The following TDRD9 variants were observed in gnomAD, a reference collection of about 807,000 sequenced individuals.
The protein encoded by TDRD9 is tudor domain containing 9.
A neutral mutation model predicts 172.6 loss-of-function variants in TDRD9; 124 were observed. The ratio of observed to expected loss-of-function variants is 0.72; its 90% CI spans 0.62 to 0.83. The LOEUF (loss-of-function observed/expected upper bound fraction) is 0.83, where lower values mean the gene tolerates loss of function less well. Ranked by LOEUF, TDRD9 falls within the 40% of genes least tolerant of loss-of-function variation. The pLI, the probability that TDRD9 is intolerant of heterozygous loss-of-function variation, is 0.00. For missense variants in TDRD9, 1,479 were observed against 1,714.1 expected (o/e 0.86, Z 2.42); for synonymous variants, 619 against 617.1 (o/e 1.00, Z -0.05).
At chr14:104,023,927 T>C (rs959967652) in intron 24 of TDRD9, among the ~76,000 whole-genome samples, 1 of 152,212 alleles carries the variant, frequency 6.6e-6, no homozygotes, top group Non-Finnish European at 1.5e-5. Flanking sequence ...GAGTCACTCA[T>C]TAAAAATAGG....
chr14:104,040,200 G>A lies in TDRD9; in HGVS notation c.3721G>A (p.Asp1241Asn), dbSNP rs865826659. 12 of 1,526,910 alleles carry A rather than the reference G, an allele frequency of 7.9e-6. No homozygotes were observed. The African/African-American group carries it at 1.4e-4, about 18-fold the overall frequency. 94.6% of individuals were successfully genotyped at this position (1,526,910 alleles called of 1,614,324 possible). ...LFAPVIELRI[D>N]QNGKYYTGVL... ...TTCTGAAAACATTCCATTTAGGATTGATCAGAATGGCAAGTACTATACTGG... is the reference window on the plus strand; with the variant it reads ...TTCTGAAAACATTCCATTTAGGATTAATCAGAATGGCAAGTACTATACTGG... The change falls in exon 33 of 36, where the codon GAT becomes AAT. Residue 1241 changes from aspartate (D) to asparagine (N), a missense_variant. This residue lies in a region of TDRD9 where 1,413 missense variants were observed against 1,649.1 expected (regional missense o/e 0.86). Coordinates refer to ENST00000409874, the MANE Select transcript of TDRD9 (RefSeq NM_153046.3).
Position 103,997,390 on chromosome 14 carries a change from C to T in TDRD9, c.1379-1234C>T, listed in dbSNP as rs1213436733. 1.3e-5 allele frequency among the ~76,000 whole-genome samples: 2 copies of T among 152,120 alleles called. No individual in the cohort carries two copies. The highest frequency in any genetic ancestry group is 3.9e-4 in the East Asian group (2 of 5,192). ...AGAAATTGTGAGAGACACATTTGGTCGGCCTCTAGACATGTGGCCTGAGAG... is the reference window on the plus strand; with the variant it reads ...AGAAATTGTGAGAGACACATTTGGTTGGCCTCTAGACATGTGGCCTGAGAG... On this transcript the variant is annotated intron_variant, in intron 12 of 35. Transcript: ENST00000409874. The surrounding 1 kb of genome is among the most constrained non-coding windows in gnomAD (Gnocchi z 5.1).
At chr14:103,952,932 G>A (rs1380561958) in intron 1 of TDRD9, among the ~76,000 whole-genome samples, 2 of 151,326 alleles carry the variant, frequency 1.3e-5, no homozygotes, top group South Asian at 2.1e-4. Flanking sequence ...TAGAGATGAG[G>A]TTTCACCATG....
Position 103,955,697 on chromosome 14 carries a change from T to C in TDRD9, c.249T>C (p.Tyr83=). Residue 83 remains tyrosine, a synonymous_variant, in exon 2 of 36, where the codon TAT becomes TAC. Coordinates refer to ENST00000409874, the MANE Select transcript of TDRD9 (RefSeq NM_153046.3). The stretch of plus-strand genomic sequence containing the variant: ...GCCAAAGGAGCTCAGAAGTAGAGTA[T>C]ATTAACAAATACAGACAGCTCGAAG... ...SLSQRSSEVE[Y]INKYRQLEAQ... is the part of the protein sequence containing the mutation. 3 of 1,551,422 alleles carry C rather than the reference T, an allele frequency of 1.9e-6. No individual in the cohort carries two copies. The highest frequency in any genetic ancestry group is 2.6e-6 in the Non-Finnish European group (3 of 1,146,818).
intron 1 of TDRD9, chr14:103,939,892 A>G (rs1359274610): frequency 2.7e-5 from 4 of 150,358 alleles, no homozygotes; most frequent in Non-Finnish European, 5.9e-5. Context: ...GACTACAGGT[A>G]TGTGCCACCA....
At chr14:103,938,414 GTA>G (rs1231280146) in intron 1 of TDRD9, among the ~76,000 whole-genome samples, 41 of 97,484 alleles carry the variant, frequency 4.2e-4, no homozygotes, top group African/African-American at 1.8e-3. Flanking sequence ...GTGTGTGTGT[GTA>G]TATATATATA....
chr14:104,031,969 A>G, intron 29 of TDRD9, 48 bp from the exon 30 acceptor site: 1 of 1,261,214 alleles, frequency 7.9e-7, no homozygotes, highest in African/African-American at 1.5e-5. Context: ...ATTCATGTTA[A>G]GTGTTATCTT....
intron 1 of TDRD9, among the ~76,000 whole-genome samples, chr14:103,943,091 A>G (rs2031338014): frequency 6.6e-6 from 1 of 151,590 alleles, no homozygotes. Flanking sequence ...ATTTAGGTGC[A>G]TATTGGTTTG....
intron 7 of TDRD9, among the ~76,000 whole-genome samples, chr14:103,985,433 T>C (rs999038218): frequency 2.6e-5 from 4 of 152,188 alleles, no homozygotes; most frequent in African/African-American, 7.2e-5. Flanking sequence ...CCACCATGAT[T>C]GTGAGGCTTC....
rs775245117 is a variant in TDRD9 at position 103,994,574 on chromosome 14, T to G, written c.1291T>G (p.Phe431Val). 2.5e-6 allele frequency: 4 copies of G among 1,613,802 alleles called. No homozygotes were observed. The South Asian group carries it at 4.4e-5, about 18-fold the overall frequency. The change falls in exon 11 of 36, where the codon TTT becomes GTT. Residue 431 changes from phenylalanine (F) to valine (V), a missense_variant. Phe to Val is a conservative substitution (Grantham distance 50). This residue lies in a region of TDRD9 where 1,413 missense variants were observed against 1,649.1 expected (regional missense o/e 0.86). Coordinates refer to ENST00000409874, the MANE Select transcript of TDRD9 (RefSeq NM_153046.3). ...GGCTTTAGAAGAACAGAATAATGTC[T>G]TTTTAAGTCCAGTCCCTGGGTACAG... ...SVALEEQNNV[F>V]LSPVPGYRKI...
intron 7 of TDRD9, among the ~76,000 whole-genome samples, chr14:103,983,177 C>A (rs1430105837): frequency 6.7e-6 from 1 of 148,910 alleles, no homozygotes; most frequent in Non-Finnish European, 1.5e-5. Context: ...GATTTTCCTG[C>A]CTCAGTCTCC....
rs766564389 is a variant in TDRD9 at position 103,955,736 on chromosome 14, T to C, written c.288T>C (p.Asp96=). ...KYRQLEAQEL[D]VCRSVQPTSG... The stretch of plus-strand genomic sequence containing the variant: ...GACAGCTCGAAGCACAAGAGCTTGA[T>C]GTGTGTCGCAGTGTCCAACCAACCA... The change falls in exon 2 of 36, where the codon GAT becomes GAC. Residue 96 remains aspartate (D), a synonymous_variant. Transcript: ENST00000409874. 4 of 1,551,374 alleles carry C rather than the reference T, an allele frequency of 2.6e-6. No homozygotes were observed. The South Asian group carries it at 4.8e-5, about 18-fold the overall frequency.
intron 25 of TDRD9, 60 bp downstream of exon 25, chr14:104,024,740 C>T (rs1175703645): frequency 3.6e-6 from 3 of 825,152 alleles, no homozygotes; most frequent in African/African-American, 1.8e-5. Context: ...ATGTTGTATA[C>T]AGGAAGTTTA....
At chr14:103,940,788 C>A (rs2031175345) in intron 1 of TDRD9, 1 of 1,513,458 alleles carries the variant, frequency 6.6e-7, no homozygotes, top group African/African-American at 1.4e-5. Context: ...CATAAAAACC[C>A]CTCTAGTTGT....
intron 8 of TDRD9, 116 bp from the exon 9 acceptor site, chr14:103,991,044 C>A: frequency 8.4e-7 from 1 of 1,189,988 alleles, no homozygotes; most frequent in Non-Finnish European, 1.2e-6. Flanking sequence ...AGGAACATTA[C>A]ATTGGATGAC....
At chr14:104,040,405 C>T (rs2035580279) in intron 33 of TDRD9, 71 bp downstream of exon 33, 3 of 1,408,854 alleles carry the variant, frequency 2.1e-6, no homozygotes, top group Admixed American at 2.4e-5. Flanking sequence ...ACAGTGAGTG[C>T]AGGGTCTGCT....
chr14:104,010,833 C>T (rs999859561), intron 20 of TDRD9, among the ~76,000 whole-genome samples: 10 of 152,158 alleles, frequency 6.6e-5, no homozygotes, highest in African/African-American at 1.9e-4. Context: ...TCCATATACT[C>T]GGGCTTGCAT....
At chr14:103,952,871 C>G (rs985259312) in intron 1 of TDRD9, among the ~76,000 whole-genome samples, 1 of 151,504 alleles carries the variant, frequency 6.6e-6, no homozygotes, top group Non-Finnish European at 1.5e-5. Context: ...TCCCGAGTAG[C>G]TGGGATTACA....
chr14:103,941,355 C>G, intron 1 of TDRD9: 2 of 1,413,432 alleles, frequency 1.4e-6, no homozygotes, highest in Admixed American at 2.2e-5. Context: ...GGAACTTGGA[C>G]TTAGCAGTAG....
Sources: allele counts gnomAD v4.1 joint callset (sites outside exome capture counted in the v4.1 genomes callset), GRCh38; gene constraint gnomAD v4.1.1; regional missense constraint gnomAD v4.1.1; non-coding constraint Gnocchi (gnomAD v3.1); transcripts MANE v1.5; gene names NCBI Gene and HGNC (gene_info 2026-07-23, HGNC 2026-07-21).